STAU1: variants seen among roughly 807,000 people sequenced by gnomAD.
STAU1 encodes the protein staufen double-stranded RNA binding protein 1.
In STAU1, 13 loss-of-function variants were observed where a neutral mutation model predicts 62.9. The observed-to-expected ratio is 0.21, with a 90% confidence interval of 0.13 to 0.33. The LOEUF is 0.33. Among genes scored for constraint, STAU1 ranks in the 10% least tolerant of loss-of-function variants. STAU1 has a pLI of 1.00. For synonymous variants in STAU1, 269 were observed against 265.1 expected, an observed-to-expected ratio of 1.01 and a Z score of -0.14; for missense variants, 571 against 712.1, an observed-to-expected ratio of 0.80 and a Z score of 2.25.
chr20:49,121,092 C>T (rs1475818423), intron 8 of STAU1, among the ~76,000 whole-genome samples: 1 of 150,992 alleles, frequency 6.6e-6, no homozygotes, highest in Non-Finnish European at 1.5e-5. Flanking sequence ...TTACTTTCAT[C>T]TTACCTATTA....
At chr20:49,142,033 G>A (rs2093018343) in intron 5 of STAU1, among the ~76,000 whole-genome samples, 1 of 151,902 alleles carries the variant, frequency 6.6e-6, no homozygotes, top group Non-Finnish European at 1.5e-5. Flanking sequence ...AGACCAGCCT[G>A]GGCAACATAA....
chr20:49,150,608 G>A lies in STAU1; in HGVS notation c.510+974C>T, dbSNP rs554956183. Among the ~76,000 whole-genome samples, 28 of 152,046 alleles carry A rather than the reference G, an allele frequency of 1.8e-4. 1 individual carries two copies. The highest frequency in any genetic ancestry group is 4.8e-5 in the African/African-American group (2 of 41,488). On this transcript the variant is annotated intron_variant, in intron 5 of 13. Transcript: ENST00000371856. ...AATCTCCTGACCTCATGATCCACCC[G>A]CCTTGGCCTCCCAAAGTGCTGGGAT...
intron 3 of STAU1, among the ~76,000 whole-genome samples, chr20:49,161,835 T>C (rs1205934187): frequency 6.6e-6 from 1 of 152,128 alleles, no homozygotes; most frequent in Non-Finnish European, 1.5e-5. Context: ...AGGAGTACAC[T>C]CCCAGAGAAG....
At chr20:49,187,210 T>C (rs1434957547) in intron 1 of STAU1, among the ~76,000 whole-genome samples, 1 of 152,128 alleles carries the variant, frequency 6.6e-6, no homozygotes, top group Non-Finnish European at 1.5e-5. Flanking sequence ...AGAAGCTGGA[T>C]GATGGCGGGG....
At chr20:49,210,587 C>A in the STAU1 span, 66 of 441,298 alleles carry the variant, frequency 1.5e-4, no homozygotes, top group African/African-American at 1.3e-3. Flanking sequence ...CTAACACAGA[C>A]TTTATTTACA....
intron 7 of STAU1, among the ~76,000 whole-genome samples, chr20:49,123,873 T>C (rs1286227124): frequency 1.3e-5 from 2 of 152,248 alleles, no homozygotes; most frequent in Non-Finnish European, 2.9e-5. Flanking sequence ...CATGGAATTA[T>C]GTCCCCTTTC....
chr20:49,149,501 C>G (rs2093203293), intron 5 of STAU1, among the ~76,000 whole-genome samples: 1 of 152,148 alleles, frequency 6.6e-6, no homozygotes, highest in South Asian at 2.1e-4. Flanking sequence ...AGCAATTGTT[C>G]ATCAACTATT....
intron 3 of STAU1, among the ~76,000 whole-genome samples, chr20:49,155,720 G>A (rs2093346786): frequency 6.6e-6 from 1 of 152,118 alleles, no homozygotes; most frequent in African/African-American, 2.4e-5. Context: ...CCTTGCATTA[G>A]AATTATATTT....
chr20:49,151,465 A>G, intron 5 of STAU1, 117 bp downstream of exon 5: 1 of 1,108,428 alleles, frequency 9.0e-7, no homozygotes, highest in Non-Finnish European at 1.2e-6. Context: ...AGGCATTCAA[A>G]TAAAAATTAT....
At chr20:49,211,570 C>T in the STAU1 span, among the ~76,000 whole-genome samples, 11 of 151,758 alleles carry the variant, frequency 7.2e-5, no homozygotes, top group Admixed American at 4.6e-4. Context: ...TGCAATGGTG[C>T]GATCTAGGCT....
intron 8 of STAU1, 111 bp downstream of exon 8, chr20:49,122,981 G>A: frequency 8.8e-7 from 1 of 1,132,108 alleles, no homozygotes. Flanking sequence ...GGCAGAACAT[G>A]GCCCACAGGA....
chr20:49,142,212 A>G (rs983688926), intron 5 of STAU1, among the ~76,000 whole-genome samples: 4 of 151,902 alleles, frequency 2.6e-5, no homozygotes, highest in African/African-American at 9.7e-5. Context: ...TCAGCCTCCC[A>G]AGGAGCTGGG....
intron 2 of STAU1, among the ~76,000 whole-genome samples, chr20:49,166,576 T>C (rs1221305070): frequency 6.6e-6 from 1 of 152,194 alleles, no homozygotes; most frequent in Non-Finnish European, 1.5e-5. Context: ...TATTAAGAAT[T>C]GCAAACTATA....
chr20:49,189,201 C>CAAAAAAAAA (rs545643816), upstream of STAU1, among the ~76,000 whole-genome samples: 6 of 33,622 alleles, frequency 1.8e-4, no homozygotes, highest in Admixed American at 6.4e-4. Context: ...ACACTGGTCT[C>CAAAAAAAAA]AAAAAAAAAA....
chr20:49,148,774 C>A (rs536304980), intron 5 of STAU1, among the ~76,000 whole-genome samples: 1 of 152,342 alleles, frequency 6.6e-6, no homozygotes, highest in East Asian at 1.9e-4. Flanking sequence ...TGCCAACCAA[C>A]GCTGCTCTAG....
In STAU1 at chr20:49,183,513, C is replaced by T. The variant is rs189118897; in HGVS notation, c.-160+4603G>A. On this transcript the variant is annotated intron_variant, in intron 1 of 13. Coordinates refer to ENST00000371856, the MANE Select transcript of STAU1 (RefSeq NM_017453.4). ...TTGTGGAATCCCACAAAAAGATACC[C>T]TTTTCATGAAAGTTTCATCTTTATA... Among the ~76,000 whole-genome samples, 23 of 152,308 alleles carry T rather than the reference C, an allele frequency of 1.5e-4. No individual in the cohort carries two copies. In the East Asian group the frequency reaches 4.2e-3, roughly 28 times the overall value.
In STAU1 at chr20:49,114,210, G is replaced by A. The variant is rs995800225; in HGVS notation, c.*668C>T. Reference sequence around the variant, plus strand: ...TCAGTCTCAGACAAGTTTCCAAACTGTGCTATTTAACTAGATACAATTGAG... The same window carrying A: ...TCAGTCTCAGACAAGTTTCCAAACTATGCTATTTAACTAGATACAATTGAG... On this transcript the variant is annotated 3_prime_UTR_variant, in exon 14 of 14. Transcript: ENST00000371856. 1 of 152,566 alleles carries A rather than the reference G, an allele frequency of 6.6e-6. No homozygotes were observed. The highest frequency in any genetic ancestry group is 1.5e-5 in the Non-Finnish European group (1 of 68,052). 9.5% of individuals were successfully genotyped at this position (152,566 alleles called of 1,614,324 possible).
chr20:49,124,104 G>A (rs778329294), intron 7 of STAU1, among the ~76,000 whole-genome samples: 2 of 152,210 alleles, frequency 1.3e-5, no homozygotes, highest in Non-Finnish European at 2.9e-5. Context: ...TGGCGTTCCT[G>A]CCCAATACCC....
chr20:49,126,577 A>AAAAAAAAAAAC (rs1165372027), intron 6 of STAU1, among the ~76,000 whole-genome samples: 962 of 34,884 alleles, frequency 0.028, 60 homozygotes, highest in South Asian at 0.12. Flanking sequence ...CAAAAAGCAA[A>AAAAAAAAAAAC]AAAAAAAAAA....
Sources: gnomAD v4.1 joint callset for allele counts (sites outside exome capture counted in the v4.1 genomes callset) on GRCh38, gnomAD v4.1.1 for gene constraint, MANE v1.5 for transcripts, NCBI Gene and HGNC (gene_info 2026-07-23, HGNC 2026-07-21) for gene names.